The following KLHL30 variants were observed in gnomAD, a reference collection of about 807,000 sequenced individuals.
KLHL30 encodes the protein kelch-like protein 30.
In KLHL30, 55 loss-of-function variants were observed where a neutral mutation model predicts 55.0. That is an observed-to-expected ratio of 1.00 (90% confidence interval 0.80 to 1.25). The LOEUF (loss-of-function observed/expected upper bound fraction) is 1.25, where lower values mean the gene tolerates loss of function less well. Ranked by LOEUF, KLHL30 falls within the 50% of genes most tolerant of loss-of-function variation. The pLI is 0.00. For missense variants in KLHL30, 786 were observed against 811.6 expected, an observed-to-expected ratio of 0.97 and a Z score of 0.38; for synonymous variants, 356 against 372.6, an observed-to-expected ratio of 0.96 and a Z score of 0.51.
In KLHL30 at chr2:238,144,993, G is replaced by A; in HGVS notation, c.994+5G>A. On this transcript the variant is annotated splice_donor_5th_base_variant and intron_variant, in intron 4 of 7. Transcript: ENST00000409223. ...ACAACAACATCTATGTCACAGGTGG[G>A]CAGCTCGGGGACCCTTCCAGAGATG... 1 of 1,593,696 alleles carries A rather than the reference G, an allele frequency of 6.3e-7. No individual in the cohort carries two copies. Among genetic ancestry groups the A allele is most frequent in the Non-Finnish European group, 8.5e-7 (1 of 1,170,118 alleles).
Position 238,152,323 on chromosome 2 carries a change from A to T in KLHL30, c.*1258A>T. 3.7e-6 allele frequency: 1 copy of T among 269,002 alleles called. No homozygotes were observed. The highest frequency in any genetic ancestry group is 5.4e-6 in the Non-Finnish European group (1 of 185,956). 16.7% of individuals were successfully genotyped at this position (269,002 alleles called of 1,614,324 possible). A position where few individuals can be genotyped will look rare whatever the true frequency, so the allele number is the denominator to read the frequency against. ...CTGAGCCTCTTGAGCTTCTGTAGGT[A>T]GGGATCTGCTTTGCTCCCAGACCTG... On this transcript the variant is annotated 3_prime_UTR_variant, in exon 8 of 8. Coordinates refer to ENST00000409223, the MANE Select transcript of KLHL30 (RefSeq NM_198582.4).
At chr2:238,143,590 A>C (rs1692581094) in intron 3 of KLHL30, among the ~76,000 whole-genome samples, 1 of 152,208 alleles carries the variant, frequency 6.6e-6, no homozygotes, top group Non-Finnish European at 1.5e-5. Flanking sequence ...TGGCCCCAAG[A>C]GGTGCTCTGG....
chr2:238,150,240 C>A (rs1024773977), intron 7 of KLHL30, among the ~76,000 whole-genome samples: 5 of 152,202 alleles, frequency 3.3e-5, no homozygotes, highest in Non-Finnish European at 7.4e-5. Context: ...GGGTCCTCAC[C>A]TCTTCCCTGT....
chr2:238,142,097 C>T lies in KLHL30; in HGVS notation c.774+569C>T, dbSNP rs180777456. Reference sequence around the variant, plus strand: ...AGTGTGCCTGGCAGGCATGGCAGGTCATGATGGAATGACAGGTCTGGGAGT... The same window carrying T: ...AGTGTGCCTGGCAGGCATGGCAGGTTATGATGGAATGACAGGTCTGGGAGT... On this transcript the variant is annotated intron_variant, in intron 2 of 7. Transcript: ENST00000409223. Among the ~76,000 whole-genome samples, 1,065 of 152,322 alleles carry T rather than the reference C, an allele frequency of 7.0e-3. 9 individuals are homozygous for T. Among genetic ancestry groups the T allele is most frequent in the Non-Finnish European group, 0.012 (785 of 68,034 alleles).
intron 3 of KLHL30, among the ~76,000 whole-genome samples, chr2:238,143,204 A>G (rs1692574581): frequency 6.6e-6 from 1 of 152,166 alleles, no homozygotes; most frequent in Admixed American, 6.5e-5. Context: ...GAGCCGGTGT[A>G]CAGGCCTCCA....
chr2:238,141,767 G>A (rs1692546787), intron 2 of KLHL30, among the ~76,000 whole-genome samples: 1 of 152,254 alleles, frequency 6.6e-6, no homozygotes. Context: ...GAAGTGGTAA[G>A]ATCTGGCCCT....
intron 3 of KLHL30, 52 bp from the exon 4 acceptor site, chr2:238,144,849 AC>A (rs2106312605): frequency 7.2e-7 from 1 of 1,380,300 alleles, no homozygotes; most frequent in Non-Finnish European, 1.0e-6. Flanking sequence ...AGTGGGGACC[AC>A]CCCAGCAGGG....
At chr2:238,144,308 G>C (rs567189813) in intron 3 of KLHL30, among the ~76,000 whole-genome samples, 60 of 152,206 alleles carry the variant, frequency 3.9e-4, no homozygotes, top group African/African-American at 1.2e-3. Context: ...GACCTGCTCT[G>C]CCTGCTGCAG....
intron 2 of KLHL30, 106 bp from the exon 3 acceptor site, chr2:238,142,693 T>A: frequency 8.9e-7 from 1 of 1,128,740 alleles, no homozygotes; most frequent in Non-Finnish European, 1.2e-6. Flanking sequence ...TCCAGCAACA[T>A]GCAAGCACAC....
Position 238,145,000 on chromosome 2 carries a change from G to T in KLHL30, c.994+12G>T. 1 of 1,586,864 alleles carries T rather than the reference G, an allele frequency of 6.3e-7. No homozygotes were observed. The highest frequency in any genetic ancestry group is 1.1e-5 in the South Asian group (1 of 87,056). On this transcript the variant is annotated intron_variant, in intron 4 of 7. Transcript: ENST00000409223. ...CATCTATGTCACAGGTGGGCAGCTC[G>T]GGGACCCTTCCAGAGATGCCCTGCC...
chr2:238,143,801 G>A (rs1443803352), intron 3 of KLHL30, among the ~76,000 whole-genome samples: 2 of 152,236 alleles, frequency 1.3e-5, no homozygotes, highest in African/African-American at 4.8e-5. Context: ...CTGGCAGGAA[G>A]AGCCTGTTGA....
chr2:238,142,715 T>G, intron 2 of KLHL30, 84 bp from the exon 3 acceptor site: 1 of 1,278,980 alleles, frequency 7.8e-7, no homozygotes, highest in Non-Finnish European at 1.0e-6. Flanking sequence ...TGCACTCACA[T>G]GCTGAGGCCT....
intron 7 of KLHL30, among the ~76,000 whole-genome samples, chr2:238,150,310 GC>G (rs1366143490): frequency 6.6e-6 from 1 of 152,102 alleles, no homozygotes; most frequent in Non-Finnish European, 1.5e-5. Context: ...TCTTCCTGAA[GC>G]CGCAGCTCTC....
intron 3 of KLHL30, among the ~76,000 whole-genome samples, chr2:238,144,184 C>T (rs186978824): frequency 1.5e-4 from 23 of 152,318 alleles, no homozygotes; most frequent in African/African-American, 5.5e-4. Context: ...CTGAGCAGTT[C>T]TGTGAAGTCC....
At chr2:238,145,370 T>C (rs1692628477) in intron 4 of KLHL30, among the ~76,000 whole-genome samples, 1 of 151,020 alleles carries the variant, frequency 6.6e-6, no homozygotes, top group Admixed American at 6.6e-5. Context: ...CCAGAAAGAG[T>C]CGTGTGTTGC....
At chr2:238,139,387 G>C (rs1053603830) in intron 1 of KLHL30, among the ~76,000 whole-genome samples, 6 of 152,222 alleles carry the variant, frequency 3.9e-5, no homozygotes, top group African/African-American at 1.4e-4. Flanking sequence ...TCCTGGGGAG[G>C]GGCCAGGCAG....
chr2:238,147,915 AC>A lies in KLHL30; in HGVS notation c.1233del (p.Tyr411Ter), dbSNP rs763677299. On this transcript the variant is annotated frameshift_variant, in exon 6 of 8. Coordinates refer to ENST00000409223, the MANE Select transcript of KLHL30 (RefSeq NM_198582.4). LOFTEE classifies it high-confidence loss of function. This position sits in a 1 kb window ranked among gnomAD's most constrained non-coding sequence, Gnocchi z 5.8. Reference sequence around the variant, plus strand: ...ACGCCCGTCAGCCCGGCCCTCAAATACGTCAGCAACTTCTCGGCTGCCGGCT... The same window carrying A: ...ACGCCCGTCAGCCCGGCCCTCAAATAGTCAGCAACTTCTCGGCTGCCGGCT... ...SWTPVSPALK[Y>X]VSNFSAAGCR... The A allele has an allele frequency of 6.2e-7, 1 of 1,603,244 alleles. No individual in the cohort carries two copies. Among genetic ancestry groups the A allele is most frequent in the Admixed American group, 1.7e-5 (1 of 58,900 alleles).
chr2:238,142,866 A>G lies in KLHL30; in HGVS notation c.842A>G (p.Glu281Gly). ...GTGGTGGGCGGGCAGGCGCTGGAGG[A>G]GGAGGAGGCAGGTGAGGAGCCCACC... is the stretch of plus-strand genomic sequence containing the variant. ...LVVVGGQALE[E>G]EEAGEEPTPG... is the part of the protein sequence containing the mutation. Residue 281 changes from glutamate (E) to glycine (G), a missense_variant, in exon 3 of 8, where the codon GAG (glutamate) becomes GGG (glycine). Glu to Gly is a moderately conservative substitution (Grantham distance 98). Coordinates refer to ENST00000409223, the MANE Select transcript of KLHL30 (RefSeq NM_198582.4). 6.8e-7 allele frequency: 1 copy of G among 1,474,188 alleles called. No individual in the cohort carries two copies. The highest frequency in any genetic ancestry group is 8.9e-7 in the Non-Finnish European group (1 of 1,120,618). The allele number at this position is 1,474,188 out of a possible 1,614,324, so 91.3% of individuals were successfully genotyped here.
At position 238,152,925 on chromosome 2, in the gene KLHL30, A is replaced by G. The variant is rs1364069938; in HGVS notation, c.*1860A>G. ...ATATTTTAAAATAAATAAAAATAAA[A>G]CTGAAGACATGAAATGTCAAAATAG... is the stretch of plus-strand genomic sequence containing the variant. On this transcript the variant is annotated 3_prime_UTR_variant, in exon 8 of 8. Coordinates refer to ENST00000409223, the MANE Select transcript of KLHL30 (RefSeq NM_198582.4). 1 of 152,248 alleles carries G rather than the reference A, an allele frequency of 6.6e-6. No homozygotes were observed. Among genetic ancestry groups the G allele is most frequent in the Non-Finnish European group, 1.5e-5 (1 of 68,052 alleles). 9.4% of individuals were successfully genotyped at this position (152,248 alleles called of 1,614,324 possible).
Sources: gnomAD v4.1 joint callset for allele counts (sites outside exome capture counted in the v4.1 genomes callset) on GRCh38, gnomAD v4.1.1 for gene constraint, Gnocchi (gnomAD v3.1) non-coding constraint, MANE v1.5 for transcripts, NCBI Gene and HGNC (gene_info 2026-07-23, HGNC 2026-07-21) for gene names.